Variants in DIP2A observed in about 807,000 individuals in gnomAD.
The protein encoded by DIP2A is disco-interacting protein 2 homolog A.
DIP2A carries 85 observed loss-of-function variants against 177.4 expected under a neutral mutation model. The ratio of observed to expected loss-of-function variants is 0.48; its 90% CI spans 0.40 to 0.57. DIP2A has a LOEUF of 0.57. Ranked by LOEUF, DIP2A falls within the 20% of genes least tolerant of loss-of-function variation. The pLI is 0.00. For synonymous variants in DIP2A, 886 were observed against 881.8 expected (o/e 1.00, Z -0.08); for missense variants, 1,791 against 2,100.2 (o/e 0.85, Z 2.88).
At chr21:46,524,933 C>A (rs1402269179) in intron 8 of DIP2A, among the ~76,000 whole-genome samples, 1 of 121,792 alleles carries the variant, frequency 8.2e-6, no homozygotes, top group African/African-American at 3.2e-5. Context: ...TTTGCACAGG[C>A]TGGAGTGCTG....
intron 9 of DIP2A, among the ~76,000 whole-genome samples, chr21:46,530,499 G>C (rs756286509): frequency 6.6e-6 from 1 of 152,170 alleles, no homozygotes; most frequent in Non-Finnish European, 1.5e-5. Flanking sequence ...TCTAAAAAGT[G>C]AGTATTAATA....
At chr21:46,574,372 T>C (rs868421129), downstream of DIP2A, among the ~76,000 whole-genome samples, 1 of 152,058 alleles carries the variant, frequency 6.6e-6, no homozygotes, top group Non-Finnish European at 1.5e-5. Context: ...AATGCTTACA[T>C]TAAAAACCAA....
At chr21:46,533,873 G>A in intron 11 of DIP2A, 131 bp from the exon 12 acceptor site, 1 of 977,532 alleles carries the variant, frequency 1.0e-6, no homozygotes, top group South Asian at 1.6e-5. Context: ...TATATAAAAT[G>A]AAATGAGACT....
chr21:46,551,618 G>T lies in DIP2A; in HGVS notation c.2840-16G>T, dbSNP rs2060274089. The T allele has an allele frequency of 6.2e-7, 1 of 1,609,262 alleles. No homozygotes were observed. Among genetic ancestry groups the T allele is most frequent in the South Asian group, 1.1e-5 (1 of 90,730 alleles). ...AGAAGTCACCAGCTTTTCATTCAGAGTTCCCCCGTTTCTAGAGGTTGGACC... is the reference window on the plus strand; with the variant it reads ...AGAAGTCACCAGCTTTTCATTCAGATTTCCCCCGTTTCTAGAGGTTGGACC... On this transcript the variant is annotated splice_polypyrimidine_tract_variant and intron_variant, in intron 23 of 37. Transcript: ENST00000417564.
At chr21:46,565,196 T>G (rs2060796718) in intron 35 of DIP2A, among the ~76,000 whole-genome samples, 1 of 142,940 alleles carries the variant, frequency 7.0e-6, no homozygotes, top group Non-Finnish European at 1.5e-5. Context: ...CACAAACACG[T>G]GGACAGGTGG....
intron 5 of DIP2A, among the ~76,000 whole-genome samples, chr21:46,502,124 T>C (rs970894590): frequency 1.3e-5 from 2 of 152,152 alleles, no homozygotes; most frequent in Non-Finnish European, 2.9e-5. Flanking sequence ...CTACCTAACA[T>C]AGACTAGTGT....
At chr21:46,470,193 G>C (rs933471035) in intron 1 of DIP2A, among the ~76,000 whole-genome samples, 2 of 151,980 alleles carry the variant, frequency 1.3e-5, no homozygotes, top group Admixed American at 6.6e-5. Context: ...ACAAAAAATG[G>C]GCTGGGCACA....
chr21:46,565,896 T>C lies in DIP2A; in HGVS notation c.4339+9T>C. 1 of 1,613,348 alleles carries C rather than the reference T, an allele frequency of 6.2e-7. No individual in the cohort carries two copies. Among genetic ancestry groups the C allele is most frequent in the Non-Finnish European group, 8.5e-7 (1 of 1,179,794 alleles). On this transcript the variant is annotated intron_variant, in intron 36 of 37. Coordinates refer to ENST00000417564, the MANE Select transcript of DIP2A (RefSeq NM_015151.4). ...CACTGATGCCAGTGGAGGTGAGGGGTTGTGGTGAAGCCCTGCGTGAGTGCT... is the reference window on the plus strand; with the variant it reads ...CACTGATGCCAGTGGAGGTGAGGGGCTGTGGTGAAGCCCTGCGTGAGTGCT...
intron 20 of DIP2A, 97 bp from the exon 21 acceptor site, chr21:46,546,818 G>T: frequency 7.0e-7 from 1 of 1,426,434 alleles, no homozygotes; most frequent in South Asian, 1.3e-5. Flanking sequence ...AGAGGCTCCT[G>T]TGCTGTTGGC....
Position 46,498,583 on chromosome 21 carries a change from C to T in DIP2A, c.405C>T (p.Asp135=). The T allele has an allele frequency of 6.2e-7, 1 of 1,605,058 alleles. No homozygotes were observed. The highest frequency in any genetic ancestry group is 8.5e-7 in the Non-Finnish European group (1 of 1,174,210). The part of the protein sequence containing the change: ...HSSVETYTPP[D]TSSASEDEGS... ...CTGTCATCGTTATTTTAACCACAGACACGTCGTCTGCCTCAGAAGATGAGG... is the reference window on the plus strand; with the variant it reads ...CTGTCATCGTTATTTTAACCACAGATACGTCGTCTGCCTCAGAAGATGAGG... The change falls in exon 5 of 38, where the codon GAC becomes GAT. Residue 135 remains aspartate (D), a splice_region_variant and synonymous_variant. Coordinates refer to ENST00000417564, the MANE Select transcript of DIP2A (RefSeq NM_015151.4). This position sits in a 1 kb window ranked among gnomAD's most constrained non-coding sequence, Gnocchi z 4.3.
intron 1 of DIP2A, among the ~76,000 whole-genome samples, chr21:46,469,687 A>G (rs2055179591): frequency 6.6e-6 from 1 of 152,214 alleles, no homozygotes; most frequent in Non-Finnish European, 1.5e-5. Context: ...ACTTTGTCTC[A>G]AGGACTCCTC....
chr21:46,480,057 A>ATT (rs72348715), intron 1 of DIP2A, among the ~76,000 whole-genome samples: 1,614 of 121,058 alleles, frequency 0.013, 32 homozygotes, highest in African/African-American at 0.043. Context: ...GACTGCCTGT[A>ATT]TTTTTTTTTT....
rs780229384 is a variant in DIP2A at position 46,560,719 on chromosome 21, C to T, written c.3970-3C>T. On this transcript the variant is annotated splice_region_variant and splice_polypyrimidine_tract_variant and intron_variant, in intron 32 of 37. Coordinates refer to ENST00000417564, the MANE Select transcript of DIP2A (RefSeq NM_015151.4). ...AGAAGTTCCTCTGCTGCTCTCCTTCCAGGGCACAGCTGGCCCGGACCCCAC... is the reference window on the plus strand; with the variant it reads ...AGAAGTTCCTCTGCTGCTCTCCTTCTAGGGCACAGCTGGCCCGGACCCCAC... 2 of 1,606,468 alleles carry T rather than the reference C, an allele frequency of 1.2e-6. No individual in the cohort carries two copies. Among genetic ancestry groups the T allele is most frequent in the South Asian group, 1.1e-5 (1 of 89,440 alleles).
At chr21:46,514,614 A>ATTTTTTTTTTTTTT (rs1395274852) in intron 8 of DIP2A, among the ~76,000 whole-genome samples, 1 of 43,132 alleles carries the variant, frequency 2.3e-5, no homozygotes, top group Non-Finnish European at 4.7e-5. Flanking sequence ...TTAAACTTTT[A>ATTTTTTTTTTTTTT]TTCTTTTTTT....
downstream of DIP2A, among the ~76,000 whole-genome samples, chr21:46,572,039 G>C (rs940985674): frequency 6.6e-6 from 1 of 152,098 alleles, no homozygotes; most frequent in Admixed American, 6.5e-5. Flanking sequence ...CTGTGGGTTT[G>C]TCATAAATAG....
intron 8 of DIP2A, among the ~76,000 whole-genome samples, chr21:46,518,253 C>T (rs1004157857): frequency 5.9e-5 from 9 of 152,152 alleles, no homozygotes; most frequent in Non-Finnish European, 1.3e-4. Flanking sequence ...GCATATGTTT[C>T]TGAAGGTTGA....
chr21:46,495,668 T>A (rs561121767), intron 3 of DIP2A, among the ~76,000 whole-genome samples: 2 of 152,050 alleles, frequency 1.3e-5, no homozygotes, highest in Non-Finnish European at 2.9e-5. Flanking sequence ...GAGGCAGTGG[T>A]ACAGGCATAG....
the DIP2A span, among the ~76,000 whole-genome samples, chr21:46,575,225 T>C: frequency 1.5e-4 from 23 of 152,164 alleles, no homozygotes; most frequent in African/African-American, 5.5e-4. Context: ...CAAAATTCAG[T>C]ACCCTATAAT....
chr21:46,464,034 G>C (rs910271198), intron 1 of DIP2A, among the ~76,000 whole-genome samples: 1 of 151,626 alleles, frequency 6.6e-6, no homozygotes, highest in African/African-American at 2.4e-5. Context: ...CAAAATGACA[G>C]CCTGTCATTG....
Sources: gnomAD v4.1 joint callset for allele counts (sites outside exome capture counted in the v4.1 genomes callset) on GRCh38, gnomAD v4.1.1 for gene constraint, Gnocchi (gnomAD v3.1) non-coding constraint, MANE v1.5 for transcripts, NCBI Gene and HGNC (gene_info 2026-07-23, HGNC 2026-07-21) for gene names.